The following CSMD1 variants were observed in gnomAD, a reference collection of about 807,000 sequenced individuals.
CSMD1 encodes CUB and sushi domain-containing protein 1.
A neutral mutation model predicts 417.5 loss-of-function variants in CSMD1; 213 were observed. The ratio of observed to expected loss-of-function variants is 0.51; its 90% CI spans 0.46 to 0.57. CSMD1 has a LOEUF of 0.57. CSMD1 is among the 20% of genes least tolerant of loss of function. The pLI is 0.00. For synonymous variants in CSMD1, 2,862 were observed against 1,736.8 expected (o/e 1.65, Z -16.11); for missense variants, 6,923 against 4,529.7 (o/e 1.53, Z -15.17).
chr8:3,788,700 T>G (rs1470178451), intron 5 of CSMD1, among the ~76,000 whole-genome samples: 1 of 152,222 alleles, frequency 6.6e-6, no homozygotes, highest in Non-Finnish European at 1.5e-5. Context: ...GACACAGTTA[T>G]GAGTCTAAGT....
At chr8:4,448,195 G>GT (rs1053305032) in intron 2 of CSMD1, among the ~76,000 whole-genome samples, 7 of 152,108 alleles carry the variant, frequency 4.6e-5, no homozygotes, top group African/African-American at 7.2e-5. Flanking sequence ...ATTTTTAAAA[G>GT]TTTTTTAACA....
intron 3 of CSMD1, among the ~76,000 whole-genome samples, chr8:4,199,159 G>A (rs528169946): frequency 6.7e-4 from 102 of 152,236 alleles, no homozygotes; most frequent in Non-Finnish European, 1.2e-3. Context: ...AACGTATCCA[G>A]CACAGCACTG....
At chr8:4,746,499 G>A (rs1676941) in intron 1 of CSMD1, among the ~76,000 whole-genome samples, 51,075 of 152,090 alleles carry the variant, frequency 0.34, 10,862 homozygotes, top group African/African-American at 0.61. Context: ...CTTTATCATC[G>A]GTGATGAGAG....
At chr8:4,273,342 T>C (rs964867516) in intron 3 of CSMD1, among the ~76,000 whole-genome samples, 1 of 152,156 alleles carries the variant, frequency 6.6e-6, no homozygotes, top group African/African-American at 2.4e-5. Flanking sequence ...TGCTATTCCA[T>C]TCATATTTAC....
chr8:4,155,477 T>C (rs1002634377), intron 3 of CSMD1, among the ~76,000 whole-genome samples: 1 of 152,214 alleles, frequency 6.6e-6, no homozygotes, highest in African/African-American at 2.4e-5. Flanking sequence ...TGTGTTTCCT[T>C]CTAGTTAAAC....
At chr8:3,737,294 T>A (rs1363452037) in intron 6 of CSMD1, among the ~76,000 whole-genome samples, 1 of 152,188 alleles carries the variant, frequency 6.6e-6, no homozygotes, top group African/African-American at 2.4e-5. Context: ...TAAATTGATG[T>A]GACTTCCTTC....
intron 1 of CSMD1, among the ~76,000 whole-genome samples, chr8:4,797,680 G>T (rs1370942613): frequency 6.6e-6 from 1 of 152,178 alleles, no homozygotes; most frequent in African/African-American, 2.4e-5. Flanking sequence ...TAATAGGAAT[G>T]CTTTCCTTAA....
intron 1 of CSMD1, among the ~76,000 whole-genome samples, chr8:4,868,914 A>G (rs7825370): frequency 0.02 from 2,995 of 152,132 alleles, 123 homozygotes; most frequent in African/African-American, 0.067. Context: ...TAACAGGGCA[A>G]TCACTCATAT....
At chr8:4,171,075 C>G in intron 3 of CSMD1, among the ~76,000 whole-genome samples, 1 of 151,986 alleles carries the variant, frequency 6.6e-6, no homozygotes, top group Admixed American at 6.5e-5. Context: ...TTCCCCTCCA[C>G]GGTGCTTACC....
intron 3 of CSMD1, among the ~76,000 whole-genome samples, chr8:4,187,476 G>A (rs945304122): frequency 1.1e-4 from 17 of 151,840 alleles, no homozygotes; most frequent in Non-Finnish European, 1.9e-4. Context: ...AAACCCCGTC[G>A]CTACTAAAAA....
chr8:4,316,310 G>GAAA (rs1454332244), intron 3 of CSMD1, among the ~76,000 whole-genome samples: 1 of 152,128 alleles, frequency 6.6e-6, no homozygotes, highest in East Asian at 1.9e-4. Flanking sequence ...ATGCTGCAGA[G>GAAA]AAAATAATCT....
At chr8:4,146,563 T>C (rs1804139986) in intron 3 of CSMD1, among the ~76,000 whole-genome samples, 1 of 146,114 alleles carries the variant, frequency 6.8e-6, no homozygotes, top group Admixed American at 6.8e-5. Flanking sequence ...GGAAGCTCCA[T>C]TATTATCTGT....
chr8:4,044,360 T>A (rs947280186), intron 3 of CSMD1, among the ~76,000 whole-genome samples: 1 of 152,230 alleles, frequency 6.6e-6, no homozygotes, highest in South Asian at 2.1e-4. Flanking sequence ...TAGTATTTAC[T>A]GATAAGAACC....
Position 3,535,024 on chromosome 8 carries a change from C to T in CSMD1, c.1344+39921G>A, listed in dbSNP as rs370920998. Among the ~76,000 whole-genome samples the T allele has an allele frequency of 3.3e-5, 5 of 152,250 alleles. No individual in the cohort carries two copies. In the East Asian group the frequency reaches 5.8e-4, roughly 18 times the overall value. On this transcript the variant is annotated intron_variant, in intron 10 of 69. Coordinates refer to ENST00000635120, the MANE Select transcript of CSMD1 (RefSeq NM_033225.6). ...GTGCAGTGGTGCAATCAGAACTCAC[C>T]GTAGCATTCAACTCCTGGGCTTAAG...
chr8:4,157,981 T>G (rs1796930763), intron 3 of CSMD1, among the ~76,000 whole-genome samples: 1 of 152,188 alleles, frequency 6.6e-6, no homozygotes, highest in South Asian at 2.1e-4. Context: ...ATTGGCCAAC[T>G]GTTGCTAGGA....
chr8:4,855,273 T>C (rs1236169948), intron 1 of CSMD1, among the ~76,000 whole-genome samples: 2 of 151,384 alleles, frequency 1.3e-5, no homozygotes, highest in African/African-American at 2.4e-5. Context: ...TACATAACCA[T>C]CATCAAAGAC....
intron 3 of CSMD1, among the ~76,000 whole-genome samples, chr8:4,357,356 T>G (rs1429151627): frequency 6.6e-6 from 1 of 152,218 alleles, no homozygotes; most frequent in South Asian, 2.1e-4. Context: ...AACAGGATCG[T>G]AGAGCTGAGC....
At chr8:4,631,139 G>T (rs1026264243) in intron 2 of CSMD1, among the ~76,000 whole-genome samples, 4 of 152,254 alleles carry the variant, frequency 2.6e-5, no homozygotes, top group South Asian at 2.1e-4. Context: ...GAGGCGGGTG[G>T]ATCACGAGGT....
intron 2 of CSMD1, among the ~76,000 whole-genome samples, chr8:4,486,737 G>C (rs544530451): frequency 1.3e-5 from 2 of 152,268 alleles, no homozygotes; most frequent in Admixed American, 1.3e-4. Flanking sequence ...TCCCCTTCAT[G>C]GAAGAAAGCC....
Sources: allele counts gnomAD v4.1 joint callset (sites outside exome capture counted in the v4.1 genomes callset), GRCh38; gene constraint gnomAD v4.1.1; transcripts MANE v1.5; gene names NCBI Gene and HGNC (gene_info 2026-07-23, HGNC 2026-07-21).